The following AKAP6 variants were observed in gnomAD, a reference collection of about 807,000 sequenced individuals.
AKAP6 encodes the protein A-kinase anchoring protein 6, also known as A-kinase anchor protein 6.
In AKAP6, 58 loss-of-function variants were observed where a neutral mutation model predicts 188.5. The observed-to-expected ratio is 0.31, with a 90% CI of 0.25 to 0.38. AKAP6 has a LOEUF of 0.38. AKAP6 is among the 10% of genes least tolerant of loss of function. AKAP6 has a pLI of 1.00. For missense variants in AKAP6, 2,710 were observed against 2,740.0 expected, an observed-to-expected ratio of 0.99 and a Z score of 0.24; for synonymous variants, 989 against 998.6, an observed-to-expected ratio of 0.99 and a Z score of 0.18.
In AKAP6 at chr14:32,822,433, A is replaced by C; in HGVS notation, c.4620A>C (p.Ser1540=). The C allele has an allele frequency of 6.2e-7, 1 of 1,614,054 alleles. No homozygotes were observed. The highest frequency in any genetic ancestry group is 1.7e-5 in the Admixed American group (1 of 59,974). ...CATCTCATGAAATGGATCGCATTTCATATAAAAGTGGCAATATAGAAAAGA... is the reference window on the plus strand; with the variant it reads ...CATCTCATGAAATGGATCGCATTTCCTATAAAAGTGGCAATATAGAAAAGA... The part of the protein sequence containing the change: ...ASASHEMDRI[S]YKSGNIEKTF... Residue 1540 remains serine (S), a synonymous_variant, in exon 13 of 14, where the codon TCA becomes TCC. Transcript: ENST00000280979.
chr14:32,360,712 A>AGTGT (rs35969035), intron 1 of AKAP6, among the ~76,000 whole-genome samples: 15,889 of 135,968 alleles, frequency 0.12, 1,031 homozygotes, highest in Admixed American at 0.17. Flanking sequence ...TTGGCCATTG[A>AGTGT]GTGTGTGTGT....
chr14:32,433,881 T>C, intron 2 of AKAP6, 64 bp downstream of exon 2: 1 of 1,472,160 alleles, frequency 6.8e-7, no homozygotes. Context: ...ACCTAGAGAC[T>C]GTGTTCTGTA....
chr14:32,580,710 C>A (rs919114103), intron 5 of AKAP6, among the ~76,000 whole-genome samples: 1 of 152,044 alleles, frequency 6.6e-6, no homozygotes, highest in Non-Finnish European at 1.5e-5. Context: ...CCACTCCCCC[C>A]ACCCCACAAC....
At chr14:32,810,104 T>A (rs1162367559) in intron 12 of AKAP6, among the ~76,000 whole-genome samples, 1 of 152,200 alleles carries the variant, frequency 6.6e-6, no homozygotes, top group African/African-American at 2.4e-5. Context: ...AGCAGGTCAG[T>A]GTCTTACATC....
intron 11 of AKAP6, among the ~76,000 whole-genome samples, chr14:32,742,913 T>G (rs1424122245): frequency 1.3e-5 from 2 of 152,134 alleles, no homozygotes; most frequent in African/African-American, 4.8e-5. Context: ...CTAAATCCAA[T>G]GTTTTTTTCT....
At chr14:32,811,056 G>A (rs1195694461) in intron 12 of AKAP6, among the ~76,000 whole-genome samples, 1 of 151,860 alleles carries the variant, frequency 6.6e-6, no homozygotes, top group East Asian at 1.9e-4. Context: ...TGGCTAACAT[G>A]GAGAAACCCC....
At chr14:32,769,405 C>T (rs894735099) in intron 11 of AKAP6, among the ~76,000 whole-genome samples, 5 of 152,034 alleles carry the variant, frequency 3.3e-5, no homozygotes, top group Admixed American at 1.3e-4. Flanking sequence ...TCCCTTCTCT[C>T]TCCAGCTAGA....
At chr14:32,673,842 GC>G (rs1437893173) in intron 7 of AKAP6, among the ~76,000 whole-genome samples, 24 of 152,296 alleles carry the variant, frequency 1.6e-4, no homozygotes, top group Admixed American at 1.2e-3. Context: ...TACTGGGAAT[GC>G]AAAATGGCAA....
intron 1 of AKAP6, among the ~76,000 whole-genome samples, chr14:32,370,566 G>A (rs544342585): frequency 4.2e-4 from 64 of 152,300 alleles, no homozygotes; most frequent in South Asian, 1.9e-3. Flanking sequence ...AGGCTTTGCC[G>A]TTAACAACTT....
intron 7 of AKAP6, among the ~76,000 whole-genome samples, chr14:32,668,389 A>G (rs895068510): frequency 3.9e-5 from 6 of 152,092 alleles, no homozygotes; most frequent in Non-Finnish European, 7.4e-5. Flanking sequence ...CTTTTAATAA[A>G]CATCTCATCT....
chr14:32,749,921 G>A (rs192334802), intron 11 of AKAP6, among the ~76,000 whole-genome samples: 39 of 152,166 alleles, frequency 2.6e-4, no homozygotes, highest in African/African-American at 9.4e-4. Context: ...CTGTCCTTTT[G>A]GTATCAGTTT....
At chr14:32,524,479 T>C (rs968100984) in intron 2 of AKAP6, among the ~76,000 whole-genome samples, 3 of 152,030 alleles carry the variant, frequency 2.0e-5, no homozygotes, top group Admixed American at 6.6e-5. Flanking sequence ...ATATATTACA[T>C]ACATATATTA....
intron 7 of AKAP6, among the ~76,000 whole-genome samples, chr14:32,660,032 G>T (rs560978723): frequency 1.3e-5 from 2 of 152,210 alleles, no homozygotes; most frequent in African/African-American, 4.8e-5. Flanking sequence ...AGGTAAAAGG[G>T]AATCGTATTG....
chr14:32,669,835 C>G (rs2139606005), intron 7 of AKAP6, among the ~76,000 whole-genome samples: 1 of 152,176 alleles, frequency 6.6e-6, no homozygotes, highest in Middle Eastern at 3.4e-3. Context: ...GGTGGCTCAC[C>G]CCTGTAATCC....
chr14:32,714,088 G>A (rs890180689), intron 9 of AKAP6, among the ~76,000 whole-genome samples: 12 of 152,102 alleles, frequency 7.9e-5, no homozygotes, highest in East Asian at 5.8e-4. Flanking sequence ...TCAAGGAATA[G>A]GAAGGTCTGA....
chr14:32,471,274 C>T (rs1268285744), intron 2 of AKAP6, among the ~76,000 whole-genome samples: 2 of 152,172 alleles, frequency 1.3e-5, no homozygotes, highest in Non-Finnish European at 2.9e-5. Context: ...AAAGTTAGCA[C>T]TAAGTACCAT....
intron 1 of AKAP6, among the ~76,000 whole-genome samples, chr14:32,408,150 T>C (rs1327345303): frequency 6.6e-6 from 1 of 152,130 alleles, no homozygotes; most frequent in East Asian, 1.9e-4. Context: ...TGCCACACCA[T>C]GGCTAGCAGC....
In AKAP6 at chr14:32,492,355, T is replaced by TATATATATAGAGAGAGAGAG; in HGVS notation, c.325-43198_325-43197insTATATATAGAGAGAGAGAGA. Among the ~76,000 whole-genome samples, 549 of 82,570 alleles carry TATATATATAGAGAGAGAGAG rather than the reference T, an allele frequency of 6.6e-3. 8 individuals are homozygous for TATATATATAGAGAGAGAGAG. Among genetic ancestry groups the TATATATATAGAGAGAGAGAG allele is most frequent in the South Asian group, 0.034 (49 of 1,426 alleles). The allele number at this position is 82,570 out of a possible 152,430, so 54.2% of individuals were successfully genotyped here. ...ACATTGTAATATATATATATATATATAGAGAGAGAGAGAGAGAGAGAGAGA... is the reference window on the plus strand; with the variant it reads ...ACATTGTAATATATATATATATATATATATATATAGAGAGAGAGAGAGAGAGAGAGAGAGAGAGAGAGAGA... On this transcript the variant is annotated intron_variant, in intron 2 of 13. Coordinates refer to ENST00000280979, the MANE Select transcript of AKAP6 (RefSeq NM_004274.5).
At chr14:32,445,107 C>G (rs925934394) in intron 2 of AKAP6, among the ~76,000 whole-genome samples, 1 of 152,230 alleles carries the variant, frequency 6.6e-6, no homozygotes, top group Admixed American at 6.5e-5. Flanking sequence ...GGCATGGCCT[C>G]TAAGTTCCTT....
Sources: gnomAD v4.1 joint callset for allele counts (sites outside exome capture counted in the v4.1 genomes callset) on GRCh38, gnomAD v4.1.1 for gene constraint, MANE v1.5 for transcripts, NCBI Gene and HGNC (gene_info 2026-07-23, HGNC 2026-07-21) for gene names.